MSR1: variants seen among roughly 807,000 people sequenced by gnomAD.
MSR1 encodes macrophage scavenger receptor 1, also known as macrophage scavenger receptor types I and II.
Under a neutral mutation model 47.2 loss-of-function variants are expected in MSR1, and 53 were observed. The observed-to-expected ratio is 1.12, with a 90% CI of 0.90 to 1.41. The LOEUF (loss-of-function observed/expected upper bound fraction) is 1.41, where lower values mean the gene tolerates loss of function less well. Among genes scored for constraint, MSR1 ranks in the 40% most tolerant of loss-of-function variants. The pLI is 0.00. For synonymous variants in MSR1, 239 were observed against 185.6 expected, an observed-to-expected ratio of 1.29 and a Z score of -2.34; for missense variants, 786 against 546.9, an observed-to-expected ratio of 1.44 and a Z score of -4.36.
intron 8 of MSR1, among the ~76,000 whole-genome samples, chr8:16,124,104 T>C (rs778154920): frequency 2.6e-5 from 4 of 152,304 alleles, no homozygotes; most frequent in Admixed American, 6.5e-5. Flanking sequence ...TTCTTAGTGA[T>C]AGTTTCTAAA....
chr8:16,124,256 C>G (rs1299738556), intron 8 of MSR1, among the ~76,000 whole-genome samples: 1 of 152,042 alleles, frequency 6.6e-6, no homozygotes, highest in Non-Finnish European at 1.5e-5. Context: ...GAGTTTTGAG[C>G]AGACAAAAAA....
At chr8:16,140,158 A>T (rs1157172895) in intron 8 of MSR1, 1 of 984,892 alleles carries the variant, frequency 1.0e-6, no homozygotes, top group Non-Finnish European at 1.2e-6. Context: ...AATATAAAGA[A>T]CTCTCATATT....
intron 1 of MSR1, among the ~76,000 whole-genome samples, chr8:16,185,406 T>C (rs1306275039): frequency 1.3e-5 from 2 of 152,182 alleles, no homozygotes; most frequent in Non-Finnish European, 2.9e-5. Context: ...ACCTAACTTT[T>C]CTTTTTCCAG....
In MSR1 at chr8:16,145,517, C is replaced by T. The variant is rs149424003; in HGVS notation, c.980-1906G>A. On this transcript the variant is annotated intron_variant, in intron 7 of 9. Transcript: ENST00000262101. ...TGCATTGTTCTTAGAAGTCTTTTCA[C>T]ACAGCAACTTGTCTTAGATATTTCA... 1.8e-4 allele frequency among the ~76,000 whole-genome samples: 27 copies of T among 152,230 alleles called. No homozygotes were observed. In the East Asian group the frequency reaches 5.2e-3, roughly 29 times the overall value.
intron 8 of MSR1, among the ~76,000 whole-genome samples, chr8:16,124,186 G>C (rs1402547129): frequency 6.6e-6 from 1 of 152,152 alleles, no homozygotes; most frequent in Non-Finnish European, 1.5e-5. Flanking sequence ...AACAGGCCGA[G>C]TCACTTGCAT....
At chr8:16,132,925 T>C (rs1001917502) in intron 8 of MSR1, among the ~76,000 whole-genome samples, 1 of 152,180 alleles carries the variant, frequency 6.6e-6, no homozygotes, top group South Asian at 2.1e-4. Context: ...ATGGCTCTTA[T>C]TATTTTGAGA....
chr8:16,175,232 G>A lies in MSR1; in HGVS notation c.172C>T (p.Leu58Phe). The A allele has an allele frequency of 2.5e-6, 4 of 1,614,040 alleles. No homozygotes were observed. The highest frequency in any genetic ancestry group is 3.4e-6 in the Non-Finnish European group (4 of 1,179,980). The change falls in exon 3 of 10, where the codon CTC (leucine) becomes TTC (phenylalanine). Residue 58 changes from leucine to phenylalanine, a missense_variant. Physicochemically the swap from Leu to Phe is conservative, Grantham distance 22. Transcript: ENST00000262101. ...GGGATGAGAACTGCAAACACGAGGAGGTAAAGGGCAATCAGTGCAGCTTTG... is the reference window on the plus strand; with the variant it reads ...GGGATGAGAACTGCAAACACGAGGAAGTAAAGGGCAATCAGTGCAGCTTTG... ...SFKAALIALYLLVFAVLIPLI... is the reference protein window; with the variant it reads ...SFKAALIALYFLVFAVLIPLI...
intron 8 of MSR1, among the ~76,000 whole-genome samples, chr8:16,123,846 G>A (rs995616035): frequency 6.6e-6 from 1 of 152,130 alleles, no homozygotes; most frequent in Non-Finnish European, 1.5e-5. Context: ...TGCAATAGCT[G>A]ACCCAAGACC....
At chr8:16,190,098 G>A (rs957450642) in intron 1 of MSR1, among the ~76,000 whole-genome samples, 8 of 151,296 alleles carry the variant, frequency 5.3e-5, no homozygotes, top group Admixed American at 1.3e-4. Context: ...ATTTTTCACC[G>A]CGTTCATCCA....
intron 9 of MSR1, among the ~76,000 whole-genome samples, chr8:16,119,783 T>C (rs1180727864): frequency 6.6e-6 from 1 of 151,652 alleles, no homozygotes; most frequent in African/African-American, 2.4e-5. Context: ...CCATAGCTCA[T>C]GTAACCTGGA....
At chr8:16,136,083 T>A (rs1045969181) in intron 8 of MSR1, among the ~76,000 whole-genome samples, 1 of 152,148 alleles carries the variant, frequency 6.6e-6, no homozygotes, top group Non-Finnish European at 1.5e-5. Context: ...GAGTATCATA[T>A]AGATTTAGTT....
intron 5 of MSR1, among the ~76,000 whole-genome samples, chr8:16,163,849 T>A (rs943982145): frequency 6.6e-6 from 1 of 151,870 alleles, no homozygotes; most frequent in Non-Finnish European, 1.5e-5. Flanking sequence ...TAAGATATAT[T>A]TTGCTTTTCC....
chr8:16,189,325 C>T (rs13265149), intron 1 of MSR1, among the ~76,000 whole-genome samples: 63,732 of 113,792 alleles, frequency 0.56, 18,215 homozygotes, highest in African/African-American at 0.65. Context: ...ATCTTATTTA[C>T]ATTTCATATA....
At chr8:16,142,354 A>C (rs543331027) in intron 8 of MSR1, among the ~76,000 whole-genome samples, 9 of 152,242 alleles carry the variant, frequency 5.9e-5, no homozygotes, top group South Asian at 2.1e-4. Flanking sequence ...AACAAACAAA[A>C]AAACAAAAAA....
At chr8:16,143,076 G>A (rs1800603009) in intron 8 of MSR1, among the ~76,000 whole-genome samples, 1 of 152,118 alleles carries the variant, frequency 6.6e-6, no homozygotes, top group Non-Finnish European at 1.5e-5. Flanking sequence ...CTATTCTGTT[G>A]TAGGTTTAAA....
chr8:16,132,272 T>C (rs1033498678), intron 8 of MSR1, among the ~76,000 whole-genome samples: 2 of 152,104 alleles, frequency 1.3e-5, no homozygotes, highest in Non-Finnish European at 2.9e-5. Context: ...GTTGCATTCC[T>C]GATTTGGCTC....
chr8:16,179,855 C>T (rs751919978), intron 1 of MSR1, among the ~76,000 whole-genome samples: 10 of 80,858 alleles, frequency 1.2e-4, no homozygotes, highest in Non-Finnish European at 2.2e-4. Context: ...CTAGCCCGGG[C>T]AAGAAGAGTG....
intron 7 of MSR1, among the ~76,000 whole-genome samples, chr8:16,144,150 C>G (rs763130590): frequency 6.6e-6 from 1 of 152,016 alleles, no homozygotes; most frequent in East Asian, 1.9e-4. Context: ...TTTGAGAAAC[C>G]TCACCCATTT....
At chr8:16,150,954 A>G (rs2117134023) in intron 6 of MSR1, among the ~76,000 whole-genome samples, 1 of 152,184 alleles carries the variant, frequency 6.6e-6, no homozygotes, top group East Asian at 1.9e-4. Context: ...TCATATGCTT[A>G]AATGAAAACT....
Sources: gnomAD v4.1 joint callset for allele counts (sites outside exome capture counted in the v4.1 genomes callset) on GRCh38, gnomAD v4.1.1 for gene constraint, MANE v1.5 for transcripts, NCBI Gene and HGNC (gene_info 2026-07-23, HGNC 2026-07-21) for gene names.